BNC1: variants seen among roughly 807,000 people sequenced by gnomAD.
BNC1 encodes the protein zinc finger protein basonuclin-1.
A neutral mutation model predicts 66.5 loss-of-function variants in BNC1; 8 were observed. The ratio of observed to expected loss-of-function variants is 0.12; its 90% CI spans 0.07 to 0.22. The LOEUF (loss-of-function observed/expected upper bound fraction) is 0.22. Ranked by LOEUF, BNC1 falls within the 10% of genes least tolerant of loss-of-function variation. The pLI is 1.00. For missense variants in BNC1, 1,069 were observed against 1,241.3 expected, an observed-to-expected ratio of 0.86 and a Z score of 2.09; for synonymous variants, 454 against 452.6, an observed-to-expected ratio of 1.00 and a Z score of -0.04.
intron 1 of BNC1, among the ~76,000 whole-genome samples, chr15:83,284,186 CAG>C (rs1023648767): frequency 3.3e-5 from 5 of 152,146 alleles, no homozygotes; most frequent in Non-Finnish European, 7.4e-5. Flanking sequence ...GTGCGGGCGG[CAG>C]AGAGTGGCGT....
In BNC1 at chr15:83,283,965, A is replaced by ACGGC. The variant is rs777636391; in HGVS notation, c.99+561_99+564dup. On this transcript the variant is annotated intron_variant, in intron 1 of 4. Transcript: ENST00000345382. ...TCCCGCAGTGGACGGGAGCCTCCTCACGGCCGCCCGCCCGTCTCCGCAGTT... is the reference window on the plus strand; with the variant it reads ...TCCCGCAGTGGACGGGAGCCTCCTCACGGCCGGCCGCCCGCCCGTCTCCGCAGTT... Among the ~76,000 whole-genome samples, 368 of 151,970 alleles carry ACGGC rather than the reference A, an allele frequency of 2.4e-3. 2 individuals are homozygous for ACGGC. Among genetic ancestry groups the ACGGC allele is most frequent in the Non-Finnish European group, 4.6e-3 (314 of 67,924 alleles).
rs773364564 is a variant in BNC1 at position 83,266,938 on chromosome 15, T to C, written c.333A>G (p.Leu111=). 5.0e-6 allele frequency: 8 copies of C among 1,614,140 alleles called. No individual in the cohort carries two copies. The highest frequency in any genetic ancestry group is 1.1e-5 in the South Asian group (1 of 91,074). ...TCAACACACTGAAGAGCCGGTCCAG[T>C]AGGATTTTTAGGCGAACGGGGATGG... ...TQAIPVRLKI[L]LDRLFSVLKQ... The change falls in exon 3 of 5, where the codon CTA becomes CTG. Residue 111 remains leucine (L), a synonymous_variant. Coordinates refer to ENST00000345382, the MANE Select transcript of BNC1 (RefSeq NM_001717.4).
chr15:83,257,516 G>C lies in BNC1; in HGVS notation c.2911C>G (p.Arg971Gly). 2 of 1,614,170 alleles carry C rather than the reference G, an allele frequency of 1.2e-6. No homozygotes were observed. The highest frequency in any genetic ancestry group is 1.7e-6 in the Non-Finnish European group (2 of 1,180,032). Residue 971 changes from arginine (R) to glycine (G), a missense_variant, in exon 5 of 5, where the codon CGC becomes GGC. By Grantham distance (125) the Arg-to-Gly change is moderately radical. Transcript: ENST00000345382. ...PGCNTMFSSV[R>G]SRNRHSQNPN... ...TTCTGGCTGTGTCTGTTTCGACTGC[G>C]AACAGACGAAAACATGGTGTTGCAG...
chr15:83,262,175 G>A (rs920963130), intron 4 of BNC1, among the ~76,000 whole-genome samples: 14 of 151,066 alleles, frequency 9.3e-5, no homozygotes, highest in South Asian at 2.1e-4. Context: ...TGCCTTCCCA[G>A]TGGCTGGGAC....
intron 4 of BNC1, among the ~76,000 whole-genome samples, chr15:83,260,691 A>G (rs2038130583): frequency 6.6e-6 from 1 of 152,240 alleles, no homozygotes. Flanking sequence ...ACAGTTCTTA[A>G]TATTTGCTGG....
intron 1 of BNC1, among the ~76,000 whole-genome samples, chr15:83,276,580 A>G (rs1012510805): frequency 9.2e-5 from 14 of 152,228 alleles, no homozygotes; most frequent in African/African-American, 3.4e-4. Flanking sequence ...GTACTGACCA[A>G]TGGTATACAA....
At chr15:83,259,730 T>C (rs1823636479) in intron 4 of BNC1, among the ~76,000 whole-genome samples, 1 of 152,212 alleles carries the variant, frequency 6.6e-6, no homozygotes, top group Admixed American at 6.5e-5. Flanking sequence ...AGCAAACCTC[T>C]GGGACTCATA....
chr15:83,276,031 ATGTC>A (rs1290364261), intron 1 of BNC1, among the ~76,000 whole-genome samples: 4 of 152,100 alleles, frequency 2.6e-5, no homozygotes, highest in Non-Finnish European at 5.9e-5. Context: ...GCCTCAACCT[ATGTC>A]TTACTTCCAG....
chr15:83,283,322 A>G, intron 1 of BNC1: 1 of 1,475,620 alleles, frequency 6.8e-7, no homozygotes. Context: ...ACTCCGGCAA[A>G]GCCAGGCGGC....
rs748371245 is a variant in BNC1, at chr15:83,264,333, G to A, written c.918C>T (p.Asn306=). The change falls in exon 4 of 5, where the codon AAC becomes AAT. Residue 306 remains asparagine, a synonymous_variant. Coordinates refer to ENST00000345382, the MANE Select transcript of BNC1 (RefSeq NM_001717.4). ...PFQVEKDQCL[N]CPDAITKKED... is the part of the protein sequence containing the mutation. The stretch of plus-strand genomic sequence containing the variant: ...CTTTTTTAGTAATAGCATCCGGACA[G>A]TTTAAACACTGATCTTTTTCAACCT... 1.2e-6 allele frequency: 2 copies of A among 1,614,136 alleles called. No homozygotes were observed. The highest frequency in any genetic ancestry group is 1.7e-6 in the Non-Finnish European group (2 of 1,180,018).
chr15:83,283,574 T>A, intron 1 of BNC1: 1 of 924,942 alleles, frequency 1.1e-6, no homozygotes, highest in Middle Eastern at 5.5e-4. Flanking sequence ...GCGCTTCCCA[T>A]GCAAACCCCT....
intron 1 of BNC1, chr15:83,282,986 A>T: frequency 1.0e-6 from 1 of 958,416 alleles, no homozygotes; most frequent in Non-Finnish European, 1.5e-6. Context: ...GGGCCGCTTT[A>T]AATGCCCTGG....
intron 4 of BNC1, among the ~76,000 whole-genome samples, chr15:83,259,310 A>G (rs2038117284): frequency 6.6e-6 from 1 of 152,152 alleles, no homozygotes; most frequent in Non-Finnish European, 1.5e-5. Flanking sequence ...TAGAGAAAAC[A>G]CTCCCCCAAT....
intron 4 of BNC1, among the ~76,000 whole-genome samples, chr15:83,262,384 G>A (rs2038153732): frequency 6.6e-6 from 1 of 152,108 alleles, no homozygotes; most frequent in Non-Finnish European, 1.5e-5. Flanking sequence ...CACCCTTGTG[G>A]CCGGATGTGT....
At chr15:83,274,454 T>C (rs944284277) in intron 1 of BNC1, among the ~76,000 whole-genome samples, 2 of 152,328 alleles carry the variant, frequency 1.3e-5, no homozygotes, top group South Asian at 2.1e-4. Context: ...AGGTGCATAG[T>C]AGCAACATGT....
chr15:83,279,667 A>G (rs1567196517), intron 1 of BNC1, among the ~76,000 whole-genome samples: 1 of 152,188 alleles, frequency 6.6e-6, no homozygotes, highest in Non-Finnish European at 1.5e-5. Flanking sequence ...AGCAGCCAGG[A>G]GTCTCTTTAT....
At chr15:83,273,703 T>C (rs935928742) in intron 1 of BNC1, among the ~76,000 whole-genome samples, 5 of 152,168 alleles carry the variant, frequency 3.3e-5, no homozygotes, top group African/African-American at 1.2e-4. Flanking sequence ...AGTTATGACC[T>C]AGTTTTTAGG....
At position 83,257,211 on chromosome 15, in the gene BNC1, G is replaced by T. The variant is rs1233070053; in HGVS notation, c.*231C>A. The stretch of plus-strand genomic sequence containing the variant: ...AATCACATTTCTGCAAGTTTTCCTT[G>T]TATCAGTGAAAGACCTCTTGGGCTA... On this transcript the variant is annotated 3_prime_UTR_variant, in exon 5 of 5. Transcript: ENST00000345382. 5.2e-6 allele frequency: 3 copies of T among 571,536 alleles called. No homozygotes were observed. The highest frequency in any genetic ancestry group is 3.8e-5 in the African/African-American group (2 of 53,124). The allele number at this position is 571,536 out of a possible 1,614,324, so 35.4% of individuals were successfully genotyped here.
chr15:83,259,469 T>C (rs189434189), intron 4 of BNC1, among the ~76,000 whole-genome samples: 1 of 152,306 alleles, frequency 6.6e-6, no homozygotes, highest in African/African-American at 2.4e-5. Flanking sequence ...ACTTCTGTCT[T>C]CTATTCCCTT....
Sources: gnomAD v4.1 joint callset for allele counts (sites outside exome capture counted in the v4.1 genomes callset) on GRCh38, gnomAD v4.1.1 for gene constraint, MANE v1.5 for transcripts, NCBI Gene and HGNC (gene_info 2026-07-23, HGNC 2026-07-21) for gene names.